The following DCC variants were observed in gnomAD, a reference collection of about 807,000 sequenced individuals.
DCC encodes netrin receptor DCC.
In DCC, 58 loss-of-function variants were observed where a neutral mutation model predicts 172.5. That is an observed-to-expected ratio of 0.34 (90% CI 0.27 to 0.42). The LOEUF (loss-of-function observed/expected upper bound fraction) is 0.42. Among genes scored for constraint, DCC ranks in the 10% least tolerant of loss-of-function variants. The pLI is 1.00. For synonymous variants in DCC, 709 were observed against 644.5 expected (o/e 1.10, Z -1.52); for missense variants, 1,740 against 1,791.0 (o/e 0.97, Z 0.51).
In DCC at chr18:53,339,933, C is replaced by T. The variant is rs753582730; in HGVS notation, c.2359+26C>T. On this transcript the variant is annotated intron_variant, in intron 15 of 28. Coordinates refer to ENST00000442544, the MANE Select transcript of DCC (RefSeq NM_005215.4). Reference sequence around the variant, plus strand: ...GTGAGTATCTGTGATTTTTTTTATTCTATTAAGGGGAATTAATGATTTATT... The same window carrying T: ...GTGAGTATCTGTGATTTTTTTTATTTTATTAAGGGGAATTAATGATTTATT... 12 of 1,577,538 alleles carry T rather than the reference C, an allele frequency of 7.6e-6. 1 individual carries two copies. In the Admixed American group the frequency reaches 2.0e-4, roughly 27 times the overall value.
At chr18:52,672,219 A>T (rs2035566961) in intron 1 of DCC, among the ~76,000 whole-genome samples, 1 of 152,212 alleles carries the variant, frequency 6.6e-6, no homozygotes, top group African/African-American at 2.4e-5. Flanking sequence ...GAATTGACCT[A>T]AGCATATTTA....
chr18:52,742,512 C>T (rs2036838964), intron 1 of DCC, among the ~76,000 whole-genome samples: 1 of 152,064 alleles, frequency 6.6e-6, no homozygotes, highest in African/African-American at 2.4e-5. Flanking sequence ...GCAGTAGGTG[C>T]TCAATAAATA....
intron 5 of DCC, among the ~76,000 whole-genome samples, chr18:52,951,185 C>T (rs1445985975): frequency 6.6e-6 from 1 of 152,082 alleles, no homozygotes; most frequent in East Asian, 1.9e-4. Flanking sequence ...AGGAGTGGCA[C>T]TGACATGAGA....
At chr18:52,467,757 G>T (rs552887909) in intron 1 of DCC, among the ~76,000 whole-genome samples, 1 of 152,098 alleles carries the variant, frequency 6.6e-6, no homozygotes, top group Non-Finnish European at 1.5e-5. Context: ...GCATGAGATG[G>T]TATCTCATTG....
At chr18:52,430,524 A>G (rs1489437946) in intron 1 of DCC, among the ~76,000 whole-genome samples, 1 of 152,118 alleles carries the variant, frequency 6.6e-6, no homozygotes. Flanking sequence ...AGCTTGGGAC[A>G]GTGATGAGCC....
chr18:52,767,493 C>A (rs1213750574), intron 2 of DCC, among the ~76,000 whole-genome samples: 1 of 152,138 alleles, frequency 6.6e-6, no homozygotes, highest in Non-Finnish European at 1.5e-5. Flanking sequence ...GAGACTCATG[C>A]TTATTATGAC....
At chr18:52,595,514 A>T (rs76229497) in intron 1 of DCC, among the ~76,000 whole-genome samples, 5,521 of 152,252 alleles carry the variant, frequency 0.036, 142 homozygotes, top group Non-Finnish European at 0.054. Context: ...TATTATGCCT[A>T]CTGCTCTAAG....
chr18:52,614,709 G>A (rs776507318), intron 1 of DCC, among the ~76,000 whole-genome samples: 5 of 151,988 alleles, frequency 3.3e-5, no homozygotes, highest in Non-Finnish European at 5.9e-5. Context: ...AACAAGACCA[G>A]AAAGATAGTC....
intron 1 of DCC, among the ~76,000 whole-genome samples, chr18:52,443,152 A>C (rs988079137): frequency 6.6e-6 from 1 of 152,228 alleles, no homozygotes; most frequent in Non-Finnish European, 1.5e-5. Flanking sequence ...ACTGGTCACT[A>C]TAAATACTGA....
chr18:52,434,417 G>A (rs1242562132), intron 1 of DCC, among the ~76,000 whole-genome samples: 1 of 152,126 alleles, frequency 6.6e-6, no homozygotes. Flanking sequence ...GCCCAAAAAT[G>A]TCAATAATGC....
At chr18:52,795,810 A>G (rs570819454) in intron 2 of DCC, among the ~76,000 whole-genome samples, 1 of 151,972 alleles carries the variant, frequency 6.6e-6, no homozygotes, top group African/African-American at 2.4e-5. Context: ...TATTTTTTCC[A>G]AGACATTTTA....
At chr18:52,412,921 G>A (rs1986889729) in intron 1 of DCC, among the ~76,000 whole-genome samples, 1 of 152,054 alleles carries the variant, frequency 6.6e-6, no homozygotes, top group South Asian at 2.1e-4. Flanking sequence ...AATTTTAGAA[G>A]ACCGGATTCA....
intron 25 of DCC, among the ~76,000 whole-genome samples, chr18:53,485,700 T>TA (rs1461901434): frequency 1.3e-5 from 2 of 152,102 alleles, no homozygotes; most frequent in African/African-American, 2.4e-5. Flanking sequence ...GCAGCCCTTT[T>TA]AAAATCTTTT....
At chr18:52,790,988 G>C (rs2037755111) in intron 2 of DCC, among the ~76,000 whole-genome samples, 1 of 152,166 alleles carries the variant, frequency 6.6e-6, no homozygotes, top group Admixed American at 6.5e-5. Flanking sequence ...ACCTCCATTG[G>C]ACATTTTCTG....
intron 1 of DCC, among the ~76,000 whole-genome samples, chr18:52,732,366 A>C (rs1211372761): frequency 6.6e-6 from 1 of 152,130 alleles, no homozygotes; most frequent in Non-Finnish European, 1.5e-5. Context: ...ATAATCATGG[A>C]TTGTGTCTTA....
chr18:53,085,823 CA>C (rs905138678), intron 7 of DCC, among the ~76,000 whole-genome samples: 25 of 150,862 alleles, frequency 1.7e-4, no homozygotes, highest in African/African-American at 5.9e-4. Context: ...GATCCTCCTT[CA>C]AAAAAAATTC....
chr18:52,874,742 A>G (rs1568161541), intron 2 of DCC, among the ~76,000 whole-genome samples: 1 of 152,194 alleles, frequency 6.6e-6, no homozygotes, highest in Non-Finnish European at 1.5e-5. Flanking sequence ...GGAAAGGCTC[A>G]GGAATAAAAC....
At chr18:52,496,910 G>C (rs1204023632) in intron 1 of DCC, among the ~76,000 whole-genome samples, 3 of 151,716 alleles carry the variant, frequency 2.0e-5, no homozygotes, top group Non-Finnish European at 4.4e-5. Flanking sequence ...AAAAAAAACA[G>C]ATTTGAATAG....
intron 12 of DCC, among the ~76,000 whole-genome samples, chr18:53,255,331 C>T (rs1436884687): frequency 6.6e-6 from 1 of 151,044 alleles, no homozygotes; most frequent in African/African-American, 2.4e-5. Flanking sequence ...CTTCATTTAA[C>T]ATTAGGTATA....
Sources: gnomAD v4.1 joint callset for allele counts (sites outside exome capture counted in the v4.1 genomes callset) on GRCh38, gnomAD v4.1.1 for gene constraint, MANE v1.5 for transcripts, NCBI Gene and HGNC (gene_info 2026-07-23, HGNC 2026-07-21) for gene names.